Variants in RGS7 observed in about 807,000 individuals in gnomAD.
RGS7 encodes regulator of G protein signaling 7, also known as regulator of G-protein signaling 7.
RGS7 carries 27 observed loss-of-function variants against 81.1 expected under a neutral mutation model. That is an observed-to-expected ratio of 0.33 (90% CI 0.25 to 0.46). The LOEUF (loss-of-function observed/expected upper bound fraction) is 0.46, where lower values mean the gene tolerates loss of function less well. RGS7 is among the 20% of genes least tolerant of loss of function. The pLI is 1.00. For missense variants in RGS7, 396 were observed against 607.4 expected (o/e 0.65, Z 3.66); for synonymous variants, 208 against 207.7 (o/e 1.00, Z -0.01).
At chr1:240,839,984 C>T (rs1695341097) in intron 9 of RGS7, among the ~76,000 whole-genome samples, 1 of 152,112 alleles carries the variant, frequency 6.6e-6, no homozygotes, top group South Asian at 2.1e-4. Flanking sequence ...AACTTTACCT[C>T]CAAATACACC....
intron 2 of RGS7, among the ~76,000 whole-genome samples, chr1:241,314,248 T>C (rs2080731157): frequency 2.0e-5 from 3 of 152,176 alleles, no homozygotes; most frequent in Admixed American, 1.3e-4. Context: ...AGTCAATCAA[T>C]GCGGCTCACT....
At chr1:241,317,954 C>A (rs570288880) in intron 2 of RGS7, among the ~76,000 whole-genome samples, 8 of 152,264 alleles carry the variant, frequency 5.3e-5, no homozygotes, top group African/African-American at 1.7e-4. Context: ...TTGGCTTTTC[C>A]ACATAAACAA....
chr1:241,099,231 G>A (rs1027101389), intron 2 of RGS7, among the ~76,000 whole-genome samples: 1 of 152,136 alleles, frequency 6.6e-6, no homozygotes, highest in Non-Finnish European at 1.5e-5. Flanking sequence ...TCTAAAACCT[G>A]CCTAGAAATC....
intron 4 of RGS7, among the ~76,000 whole-genome samples, chr1:240,977,057 T>C (rs1480621992): frequency 6.6e-6 from 1 of 150,920 alleles, no homozygotes; most frequent in East Asian, 1.9e-4. Context: ...TCTATTTATA[T>C]CTATCCATCA....
At position 240,986,646 on chromosome 1, in the gene RGS7, A is replaced by T. The variant is rs1685719525; in HGVS notation, c.176-3517T>A. On this transcript the variant is annotated intron_variant, in intron 3 of 18. Coordinates refer to ENST00000440928, the MANE Select transcript of RGS7 (RefSeq NM_001364886.1). ...GCCCAGGCTGGAGTGCAGTGGCGCA[A>T]TCTCGGCTCACTGCAGGCTCCGCCC... Among the ~76,000 whole-genome samples the T allele has an allele frequency of 1.4e-3, 2 of 1,452 alleles. 1 individual carries two copies. The highest frequency in any genetic ancestry group is 2.2e-3 in the Non-Finnish European group (2 of 892). 1.0% of individuals were successfully genotyped at this position (1,452 alleles called of 152,430 possible).
intron 2 of RGS7, among the ~76,000 whole-genome samples, chr1:241,183,026 T>C (rs1427351169): frequency 6.6e-6 from 1 of 151,964 alleles, no homozygotes; most frequent in East Asian, 1.9e-4. Context: ...TTCATTTTGG[T>C]AATCCTCTGG....
At position 241,236,345 on chromosome 1, in the gene RGS7, T is replaced by A. The variant is rs79293102; in HGVS notation, c.78+119354A>T. 7.1e-3 allele frequency among the ~76,000 whole-genome samples: 1,085 copies of A among 152,078 alleles called. 17 individuals are homozygous for A. Among genetic ancestry groups the A allele is most frequent in the African/African-American group, 0.025 (1,032 of 41,464 alleles). On this transcript the variant is annotated intron_variant, in intron 2 of 18. Transcript: ENST00000440928. ...CGACATGCAATTTCGCAATTCAAGGTTTTTCTCTTTCAGTGTGTAGAGTTA... is the reference window on the plus strand; with the variant it reads ...CGACATGCAATTTCGCAATTCAAGGATTTTCTCTTTCAGTGTGTAGAGTTA...
intron 6 of RGS7, among the ~76,000 whole-genome samples, chr1:240,890,704 G>C (rs1263319776): frequency 1.3e-5 from 2 of 152,130 alleles, no homozygotes; most frequent in African/African-American, 4.8e-5. Context: ...TGCAGTGGGT[G>C]TATTATTGTT....
intron 2 of RGS7, among the ~76,000 whole-genome samples, chr1:241,179,518 C>T (rs913936325): frequency 6.6e-6 from 1 of 152,202 alleles, no homozygotes; most frequent in Non-Finnish European, 1.5e-5. Flanking sequence ...ACAGGCAGAA[C>T]ATCTCCACTA....
At chr1:241,153,031 G>A (rs997190007) in intron 2 of RGS7, among the ~76,000 whole-genome samples, 2 of 152,138 alleles carry the variant, frequency 1.3e-5, no homozygotes, top group African/African-American at 4.8e-5. Flanking sequence ...TTTAAAGATC[G>A]ATGAGTTGTT....
At chr1:241,293,373 T>C (rs1195778231) in intron 2 of RGS7, among the ~76,000 whole-genome samples, 1 of 152,200 alleles carries the variant, frequency 6.6e-6, no homozygotes, top group Non-Finnish European at 1.5e-5. Flanking sequence ...CTTACGTAAG[T>C]AGAAGTATAT....
intron 2 of RGS7, among the ~76,000 whole-genome samples, chr1:241,226,789 T>G (rs2075333831): frequency 6.6e-6 from 1 of 152,184 alleles, no homozygotes; most frequent in African/African-American, 2.4e-5. Context: ...AAGAAATAAC[T>G]ATTTCCCAAA....
At chr1:240,932,118 G>C (rs1045943414) in intron 5 of RGS7, among the ~76,000 whole-genome samples, 1 of 152,120 alleles carries the variant, frequency 6.6e-6, no homozygotes, top group African/African-American at 2.4e-5. Flanking sequence ...AGGGAAAATG[G>C]GTAGATAGGG....
At chr1:241,152,428 T>C (rs2068821459) in intron 2 of RGS7, among the ~76,000 whole-genome samples, 1 of 152,236 alleles carries the variant, frequency 6.6e-6, no homozygotes, top group Non-Finnish European at 1.5e-5. Flanking sequence ...GTTAAAACTC[T>C]TTCAAGTTAT....
At chr1:241,204,813 T>G (rs1425885981) in intron 2 of RGS7, among the ~76,000 whole-genome samples, 1 of 152,056 alleles carries the variant, frequency 6.6e-6, no homozygotes, top group Admixed American at 6.6e-5. Flanking sequence ...TTATGTGAGA[T>G]GATATAGTTA....
intron 2 of RGS7, among the ~76,000 whole-genome samples, chr1:241,180,037 C>T (rs149457305): frequency 6.6e-6 from 1 of 151,966 alleles, no homozygotes; most frequent in African/African-American, 2.4e-5. Flanking sequence ...TTGATGTGGG[C>T]CAGGTATGAG....
At chr1:241,249,205 T>C (rs1382527586) in intron 2 of RGS7, among the ~76,000 whole-genome samples, 1 of 152,174 alleles carries the variant, frequency 6.6e-6, no homozygotes, top group Non-Finnish European at 1.5e-5. Context: ...ACCTAAGGAC[T>C]CTAAGATTTT....
At chr1:240,909,471 A>G (rs2148240239) in intron 6 of RGS7, among the ~76,000 whole-genome samples, 1 of 152,282 alleles carries the variant, frequency 6.6e-6, no homozygotes, top group Admixed American at 6.5e-5. Flanking sequence ...TTTTCTACCT[A>G]TAACTTACCT....
chr1:241,298,988 C>T (rs1392050379), intron 2 of RGS7, among the ~76,000 whole-genome samples: 1 of 152,116 alleles, frequency 6.6e-6, no homozygotes, highest in Non-Finnish European at 1.5e-5. Context: ...ACACATGTGC[C>T]GTCACATAAT....
Sources: gnomAD v4.1 joint callset for allele counts (sites outside exome capture counted in the v4.1 genomes callset) on GRCh38, gnomAD v4.1.1 for gene constraint, MANE v1.5 for transcripts, NCBI Gene and HGNC (gene_info 2026-07-23, HGNC 2026-07-21) for gene names.